The following NLRP1 variants were observed in gnomAD, a reference collection of about 807,000 sequenced individuals.
The protein encoded by NLRP1 is NLR family pyrin domain containing 1, also known as NACHT, LRR and PYD domains-containing protein 1.
A neutral mutation model predicts 136.7 loss-of-function variants in NLRP1; 94 were observed. That is an observed-to-expected ratio of 0.69 (90% CI 0.58 to 0.82). The LOEUF (loss-of-function observed/expected upper bound fraction) is 0.82, where lower values mean the gene tolerates loss of function less well. NLRP1 is among the 40% of genes least tolerant of loss of function. The pLI is 0.00. For synonymous variants in NLRP1, 690 were observed against 725.1 expected (o/e 0.95, Z 0.78); for missense variants, 1,575 against 1,802.7 (o/e 0.87, Z 2.29).
At chr17:5,572,450 G>T (rs1281043926) in intron 3 of NLRP1, among the ~76,000 whole-genome samples, 1 of 152,152 alleles carries the variant, frequency 6.6e-6, no homozygotes, top group African/African-American at 2.4e-5. Flanking sequence ...AGGCATGGTG[G>T]CTCATGCCTG....
In NLRP1 at chr17:5,504,667, G is replaced by A. The variant is rs1292056081; in HGVS notation, c.4070-2795C>T. ...ATAGAATAGAATAGAATAAAACACTGACTGCTGGGGTTCTAACCCACATCT... is the reference window on the plus strand; with the variant it reads ...ATAGAATAGAATAGAATAAAACACTAACTGCTGGGGTTCTAACCCACATCT... On this transcript the variant is annotated intron_variant, in intron 15 of 15. Coordinates refer to the NLRP1 transcript ENST00000262467. This position sits in a 1 kb window ranked among gnomAD's most constrained non-coding sequence, Gnocchi z 4.4. The A allele has an allele frequency of 7.6e-6, 1 of 131,972 alleles. No homozygotes were observed. The highest frequency in any genetic ancestry group is 1.7e-5 in the Non-Finnish European group (1 of 59,978). 8.2% of individuals were successfully genotyped at this position (131,972 alleles called of 1,614,324 possible). A position where few individuals can be genotyped will look rare whatever the true frequency, so the allele number is the denominator to read the frequency against.
chr17:5,549,663 T>A (rs974195588), intron 5 of NLRP1, among the ~76,000 whole-genome samples: 3 of 152,224 alleles, frequency 2.0e-5, no homozygotes, highest in African/African-American at 7.2e-5. Context: ...ATTACTTTCT[T>A]TTCAATCTGG....
chr17:5,573,879 A>G (rs1345779002), intron 3 of NLRP1, among the ~76,000 whole-genome samples: 1 of 152,240 alleles, frequency 6.6e-6, no homozygotes, highest in Non-Finnish European at 1.5e-5. Context: ...GAAAAGCTGA[A>G]AATTCTAAAA....
chr17:5,510,061 ATTC>A (rs1306183722), downstream of NLRP1, among the ~76,000 whole-genome samples: 1 of 138,416 alleles, frequency 7.2e-6, no homozygotes, highest in East Asian at 2.1e-4. Flanking sequence ...TCTTTCTTCT[ATTC>A]TTCTTCTTCT....
At position 5,559,415 on chromosome 17, in the gene NLRP1, A is replaced by C. The variant is rs1362009716; in HGVS notation, c.1281T>G (p.Cys427Trp). The change falls in exon 4 of 17, where the codon TGT (cysteine) becomes TGG (tryptophan). Residue 427 changes from cysteine to tryptophan, a missense_variant. Physicochemically the swap from Cys to Trp is radical, Grantham distance 215 (BLOSUM62 -2). Transcript: ENST00000572272. ...CCGGCTGTGGCTGGCTCCAGTGCAG[A>C]CAGAGCTCAGAACTCGGCTCCTGCA... ...WVLQEPSSEL[C>W]LHWSQPQPAD... 6.2e-7 allele frequency: 1 copy of C among 1,614,006 alleles called. No homozygotes were observed. Among genetic ancestry groups the C allele is most frequent in the Non-Finnish European group, 8.5e-7 (1 of 1,180,000 alleles).
chr17:5,518,966 G>A (rs1597394847), intron 14 of NLRP1, among the ~76,000 whole-genome samples: 1 of 151,192 alleles, frequency 6.6e-6, no homozygotes, highest in African/African-American at 2.4e-5. Flanking sequence ...AGCCTCCTGA[G>A]TATCAGGGTT....
At chr17:5,580,402 G>A (rs1296672256) in intron 3 of NLRP1, among the ~76,000 whole-genome samples, 1 of 151,922 alleles carries the variant, frequency 6.6e-6, no homozygotes, top group Non-Finnish European at 1.5e-5. Flanking sequence ...CTGCACATGT[G>A]TTTCTGAAAC....
At chr17:5,578,394 G>T (rs144402894) in intron 3 of NLRP1, among the ~76,000 whole-genome samples, 2,394 of 151,474 alleles carry the variant, frequency 0.016, 57 homozygotes, top group African/African-American at 0.055. Context: ...AATCTACAAA[G>T]AACTCAAACA....
chr17:5,573,097 G>A (rs1385866100), intron 3 of NLRP1, among the ~76,000 whole-genome samples: 1 of 152,190 alleles, frequency 6.6e-6, no homozygotes, highest in Non-Finnish European at 1.5e-5. Flanking sequence ...ATGGCACCTG[G>A]AAAATTGGGT....
Position 5,537,834 on chromosome 17 carries a change from C to T in NLRP1, c.2871-894G>A, listed in dbSNP as rs747203420. ...GTAAGTGTTGAGCTGGGGCCTGAAG[C>T]CATATCTGCCTGCCATGGCCAAGCT... is the stretch of plus-strand genomic sequence containing the variant. On this transcript the variant is annotated intron_variant, in intron 7 of 16. Transcript: ENST00000572272. The surrounding 1 kb of genome is among the most constrained non-coding windows in gnomAD (Gnocchi z 4.5). Among the ~76,000 whole-genome samples, 4 of 152,154 alleles carry T rather than the reference C, an allele frequency of 2.6e-5. No homozygotes were observed. Among genetic ancestry groups the T allele is most frequent in the Non-Finnish European group, 5.9e-5 (4 of 68,018 alleles).
intron 5 of NLRP1, among the ~76,000 whole-genome samples, chr17:5,546,452 C>T (rs529462362): frequency 2.0e-5 from 3 of 152,272 alleles, no homozygotes; most frequent in Admixed American, 1.3e-4. Flanking sequence ...GATTCCACAC[C>T]CTCTGTCTGG....
chr17:5,550,363 CA>C (rs1361190097), intron 5 of NLRP1, among the ~76,000 whole-genome samples: 1 of 152,164 alleles, frequency 6.6e-6, no homozygotes, highest in Non-Finnish European at 1.5e-5. Context: ...CTTACTAATT[CA>C]ATATCTCTAT....
chr17:5,547,925 C>T (rs184571276), intron 5 of NLRP1, among the ~76,000 whole-genome samples: 13 of 152,300 alleles, frequency 8.5e-5, no homozygotes, highest in Admixed American at 8.5e-4. Context: ...TCTTCAATTT[C>T]CTTGGAATGT....
chr17:5,547,081 C>T (rs760665151), intron 5 of NLRP1, among the ~76,000 whole-genome samples: 80 of 152,302 alleles, frequency 5.3e-4, no homozygotes, highest in Non-Finnish European at 1.1e-3. Flanking sequence ...GTTAATTTCT[C>T]TGAGCCTCTT....
intron 3 of NLRP1, among the ~76,000 whole-genome samples, chr17:5,560,512 T>C (rs10445291): frequency 0.068 from 10,412 of 152,250 alleles, 460 homozygotes; most frequent in African/African-American, 0.12. Context: ...TACCTGCCAA[T>C]GGTGTCCCTC....
At chr17:5,519,444 C>A (rs61368953) in intron 14 of NLRP1, among the ~76,000 whole-genome samples, 113 of 148,124 alleles carry the variant, frequency 7.6e-4, no homozygotes, top group Middle Eastern at 3.5e-3. Context: ...CCACACCTGG[C>A]CTTTTTTTTT....
chr17:5,512,405 C>G (rs1907699534), downstream of NLRP1: 1 of 1,007,972 alleles, frequency 9.9e-7, no homozygotes, highest in African/African-American at 1.5e-5. Context: ...GTGCCCATAT[C>G]TTGATTTTCA....
intron 7 of NLRP1, among the ~76,000 whole-genome samples, chr17:5,538,026 G>A (rs773645077): frequency 9.2e-5 from 14 of 152,218 alleles, no homozygotes; most frequent in Admixed American, 4.6e-4. Context: ...ATTTATTTCT[G>A]TTATTCTGCC....
chr17:5,521,494 T>C lies in NLRP1; in HGVS notation c.3783+30A>G. On this transcript the variant is annotated intron_variant, in intron 13 of 16. Coordinates refer to ENST00000572272, the MANE Select transcript of NLRP1 (RefSeq NM_033004.4). ...TTTTGTGTTTACCGTCAACCCACCG[T>C]GGCCCAGCCTTTCTGGCTCTTAGTG... 3 of 1,603,000 alleles carry C rather than the reference T, an allele frequency of 1.9e-6. No individual in the cohort carries two copies. The South Asian group carries it at 3.3e-5, about 18-fold the overall frequency.
Sources: allele counts gnomAD v4.1 joint callset (sites outside exome capture counted in the v4.1 genomes callset), GRCh38; gene constraint gnomAD v4.1.1; non-coding constraint Gnocchi (gnomAD v3.1); transcripts MANE v1.5; gene names NCBI Gene and HGNC (gene_info 2026-07-23, HGNC 2026-07-21).